The following ADAMTS17 variants were observed in gnomAD, a reference collection of about 807,000 sequenced individuals.
ADAMTS17 encodes the protein ADAM metallopeptidase with thrombospondin type 1 motif 17.
ADAMTS17 carries 113 observed loss-of-function variants against 141.5 expected under a neutral mutation model. The observed-to-expected ratio is 0.80, with a 90% CI of 0.69 to 0.93. The LOEUF (loss-of-function observed/expected upper bound fraction) is 0.93, where lower values mean the gene tolerates loss of function less well. ADAMTS17 is among the 40% of genes least tolerant of loss of function. ADAMTS17 has a pLI of 0.00. For missense variants in ADAMTS17, 1,659 were observed against 1,517.9 expected, an observed-to-expected ratio of 1.09 and a Z score of -1.54; for synonymous variants, 768 against 630.6, an observed-to-expected ratio of 1.22 and a Z score of -3.27.
intron 3 of ADAMTS17, among the ~76,000 whole-genome samples, chr15:100,285,824 A>T (rs1018598565): frequency 6.6e-6 from 1 of 152,154 alleles, no homozygotes; most frequent in African/African-American, 2.4e-5. Flanking sequence ...ATGGATGCCC[A>T]GCCCCCAAGT....
At chr15:100,336,686 A>G (rs2046216929) in intron 2 of ADAMTS17, among the ~76,000 whole-genome samples, 1 of 152,220 alleles carries the variant, frequency 6.6e-6, no homozygotes. Flanking sequence ...TGACAAGACT[A>G]ACTCCTACTC....
intron 18 of ADAMTS17, among the ~76,000 whole-genome samples, chr15:100,011,003 G>C (rs959597934): frequency 6.6e-6 from 1 of 152,150 alleles, no homozygotes; most frequent in Admixed American, 6.5e-5. Flanking sequence ...GAATGTGCGC[G>C]TCTCCGGAAG....
chr15:100,125,928 T>C (rs1474966944), intron 12 of ADAMTS17, among the ~76,000 whole-genome samples: 1 of 150,356 alleles, frequency 6.7e-6, no homozygotes, highest in Non-Finnish European at 1.5e-5. Context: ...GAATATAAAG[T>C]GAAGGGGGTG....
chr15:100,071,518 G>T (rs1174837461), intron 15 of ADAMTS17, among the ~76,000 whole-genome samples: 1 of 150,248 alleles, frequency 6.7e-6, no homozygotes, highest in African/African-American at 2.5e-5. Context: ...ACCGAATGCA[G>T]CAGCACATCA....
intron 7 of ADAMTS17, among the ~76,000 whole-genome samples, chr15:100,253,506 A>AC (rs1330931093): frequency 4.8e-5 from 2 of 41,738 alleles, no homozygotes; most frequent in African/African-American, 2.2e-4. Context: ...GGGGAGGGGA[A>AC]GGTAGAGGGG....
intron 15 of ADAMTS17, among the ~76,000 whole-genome samples, chr15:100,063,023 T>C (rs1218170299): frequency 1.3e-5 from 2 of 152,134 alleles, no homozygotes; most frequent in Non-Finnish European, 2.9e-5. Context: ...CGTCTGGGAA[T>C]TGGGCCAAGG....
At chr15:100,191,273 G>C (rs981082232) in intron 8 of ADAMTS17, among the ~76,000 whole-genome samples, 12 of 152,246 alleles carry the variant, frequency 7.9e-5, no homozygotes, top group Admixed American at 3.3e-4. Context: ...GCCTTATTCA[G>C]TAACGAAACT....
chr15:100,298,446 C>A (rs2044903531), intron 3 of ADAMTS17, among the ~76,000 whole-genome samples: 1 of 152,090 alleles, frequency 6.6e-6, no homozygotes, highest in African/African-American at 2.4e-5. Flanking sequence ...GGGTGCTCTC[C>A]CAGAGGGAGG....
intron 14 of ADAMTS17, among the ~76,000 whole-genome samples, chr15:100,100,911 C>A (rs903560911): frequency 6.6e-6 from 1 of 152,022 alleles, no homozygotes; most frequent in Non-Finnish European, 1.5e-5. Flanking sequence ...GAATCCAACC[C>A]CCTCCAGCCC....
chr15:100,011,428 GA>G (rs2061178863), intron 18 of ADAMTS17, among the ~76,000 whole-genome samples: 1 of 121,704 alleles, frequency 8.2e-6, no homozygotes, highest in Admixed American at 9.1e-5. Flanking sequence ...AGAAAGGGAG[GA>G]ATGAGGAAAG....
intron 13 of ADAMTS17, among the ~76,000 whole-genome samples, chr15:100,116,132 TAAAAAAAAAAA>T (rs34003703): frequency 3.5e-5 from 3 of 84,782 alleles, no homozygotes; most frequent in South Asian, 4.9e-4. Context: ...CAGTTTTAGG[TAAAAAAAAAAA>T]AAAAAAAAAA....
chr15:100,161,928 G>C (rs945122348), intron 8 of ADAMTS17, among the ~76,000 whole-genome samples: 2 of 152,216 alleles, frequency 1.3e-5, no homozygotes, highest in Admixed American at 1.3e-4. Flanking sequence ...GAGCCCACCA[G>C]CTTTCAGGGA....
intron 7 of ADAMTS17, among the ~76,000 whole-genome samples, chr15:100,223,921 CG>C (rs1168876971): frequency 2.6e-5 from 4 of 151,994 alleles, no homozygotes; most frequent in Non-Finnish European, 5.9e-5. Context: ...AGAAGCAGTC[CG>C]AGTCCCGAAG....
intron 2 of ADAMTS17, among the ~76,000 whole-genome samples, chr15:100,334,458 G>A (rs916326733): frequency 3.3e-5 from 5 of 152,172 alleles, no homozygotes; most frequent in African/African-American, 4.8e-5. Flanking sequence ...TAGGGCCAAC[G>A]GGGTGGTGAG....
chr15:99,977,563 GCCA>G (rs2060390387), intron 20 of ADAMTS17, among the ~76,000 whole-genome samples: 2 of 150,438 alleles, frequency 1.3e-5, no homozygotes, highest in South Asian at 2.1e-4. Context: ...ATAGGCACCT[GCCA>G]CCACATCTGG....
intron 21 of ADAMTS17, 24 bp from the exon 22 acceptor site, chr15:99,974,586 C>A (rs778954332): frequency 1.2e-6 from 2 of 1,613,980 alleles, no homozygotes. Flanking sequence ...AGAGAGAATA[C>A]CCAGGGTCAG....
chr15:100,182,538 A>G (rs2040561768), intron 8 of ADAMTS17, among the ~76,000 whole-genome samples: 1 of 152,156 alleles, frequency 6.6e-6, no homozygotes, highest in Non-Finnish European at 1.5e-5. Context: ...CTGCTGTTGA[A>G]GGGTGGGGGA....
At chr15:100,097,272 T>C (rs535851698) in intron 14 of ADAMTS17, among the ~76,000 whole-genome samples, 1 of 152,334 alleles carries the variant, frequency 6.6e-6, no homozygotes, top group South Asian at 2.1e-4. Context: ...TCCCTCCACA[T>C]TTTCCCCCTA....
chr15:100,164,642 A>C (rs1448709402), intron 8 of ADAMTS17, among the ~76,000 whole-genome samples: 1 of 152,200 alleles, frequency 6.6e-6, no homozygotes, highest in East Asian at 1.9e-4. Flanking sequence ...AGGTGCTCTC[A>C]GAGAGCTGTG....
Sources: allele counts gnomAD v4.1 joint callset (sites outside exome capture counted in the v4.1 genomes callset), GRCh38; gene constraint gnomAD v4.1.1; transcripts MANE v1.5; gene names NCBI Gene and HGNC (gene_info 2026-07-23, HGNC 2026-07-21).